Variants in ZNF687 observed in about 807,000 individuals in gnomAD.
The protein encoded by ZNF687 is zinc finger protein 687.
ZNF687 carries 13 observed loss-of-function variants against 71.8 expected under a neutral mutation model. The observed-to-expected ratio is 0.18, with a 90% confidence interval of 0.12 to 0.29. ZNF687 has a LOEUF of 0.29. Among genes scored for constraint, ZNF687 ranks in the 10% least tolerant of loss-of-function variants. The pLI, the probability that ZNF687 is intolerant of heterozygous loss-of-function variation, is 1.00. For synonymous variants in ZNF687, 673 were observed against 641.6 expected (o/e 1.05, Z -0.74); for missense variants, 1,412 against 1,625.6 (o/e 0.87, Z 2.26).
Position 151,290,717 on chromosome 1 carries a change from G to A in ZNF687, c.3222G>A (p.Gly1074=), listed in dbSNP as rs759863619. ...CAGTTTCTTCCACTTTTCTTCAGGG[G>A]CCAGGTCGGAAACGCCGCCAGTCTT... ...LARGSSARAQ[G]PGRKRRQSSD... Residue 1074 remains glycine (G), a splice_region_variant and synonymous_variant, in exon 9 of 9, where the codon GGG becomes GGA. Transcript: ENST00000336715. 6.3e-7 allele frequency: 1 copy of A among 1,598,554 alleles called. No homozygotes were observed. Among genetic ancestry groups the A allele is most frequent in the South Asian group, 1.1e-5 (1 of 89,604 alleles).
chr1:151,282,789 C>T (rs1340217481), intron 1 of ZNF687, among the ~76,000 whole-genome samples: 1 of 152,174 alleles, frequency 6.6e-6, no homozygotes, highest in Non-Finnish European at 1.5e-5. Flanking sequence ...GGGTGCGGGT[C>T]AGCGTCCGGG....
In ZNF687 at chr1:151,288,782, TC is replaced by T. The variant is rs1255454630; in HGVS notation, c.2294+80del. The T allele has an allele frequency of 6.4e-5, 92 of 1,447,710 alleles. No individual in the cohort carries two copies. The East Asian group carries it at 2.1e-3, about 33-fold the overall frequency. 89.7% of individuals were successfully genotyped at this position (1,447,710 alleles called of 1,614,324 possible). ...CTCAGCCTCAGATGGCCTTTCAAGA[TC>T]CCCTATCTTCCCTGCTATATCCCTC... On this transcript the variant is annotated intron_variant, in intron 3 of 8. Coordinates refer to ENST00000336715, the MANE Select transcript of ZNF687 (RefSeq NM_020832.3).
chr1:151,282,189 A>C (rs587754692), upstream of ZNF687: 226 of 1,096,306 alleles, frequency 2.1e-4, no homozygotes, highest in African/African-American at 2.8e-3. Flanking sequence ...TGGAAGGGGC[A>C]CAGGGCTGAG....
Position 151,288,629 on chromosome 1 carries a change from G to A in ZNF687, c.2217G>A (p.Gly739=), listed in dbSNP as rs1237986817. The change falls in exon 3 of 9, where the codon GGG becomes GGA. Residue 739 remains glycine, a synonymous_variant. Transcript: ENST00000336715. ...CCCCCCATGTCTGTCCTGAGTGTGG[G>A]GGCAACTTCCTGCAAGCCAATTTTC... ...NRPPHVCPEC[G]GNFLQANFQT... 1 of 1,614,068 alleles carries A rather than the reference G, an allele frequency of 6.2e-7. No homozygotes were observed. Among genetic ancestry groups the A allele is most frequent in the Non-Finnish European group, 8.5e-7 (1 of 1,179,986 alleles).
At position 151,289,075 on chromosome 1, in the gene ZNF687, G is replaced by A; in HGVS notation, c.2295-20G>A. ...GAGATGCCTCCCACCTCACCACAGG[G>A]CCTCCTGCTTCCTCCCTAGGTGCCC... On this transcript the variant is annotated intron_variant, in intron 3 of 8. Transcript: ENST00000336715. 1 of 1,611,636 alleles carries A rather than the reference G, an allele frequency of 6.2e-7. No individual in the cohort carries two copies. The highest frequency in any genetic ancestry group is 8.5e-7 in the Non-Finnish European group (1 of 1,178,496).
At chr1:151,281,753 C>A (rs1178797105), upstream of ZNF687, 2 of 389,070 alleles carry the variant, frequency 5.1e-6, no homozygotes, top group Non-Finnish European at 1.1e-5. Context: ...CATTCTGTAA[C>A]TTCTGTACGG....
At chr1:151,282,099 G>A, upstream of ZNF687, 1 of 1,277,476 alleles carries the variant, frequency 7.8e-7, no homozygotes, top group Non-Finnish European at 1.0e-6. Context: ...GAGGGCCTCG[G>A]CCCCTTGCCC....
upstream of ZNF687, chr1:151,282,000 T>C: frequency 8.1e-7 from 1 of 1,236,176 alleles, no homozygotes; most frequent in Non-Finnish European, 1.1e-6. Context: ...GGCTTCTTTC[T>C]AAGCGACAGT....
At chr1:151,283,225 G>T (rs1406698556) in intron 1 of ZNF687, 1 of 985,316 alleles carries the variant, frequency 1.0e-6, no homozygotes, top group Admixed American at 6.1e-5. Flanking sequence ...AGATGGCAGG[G>T]ACTTAATTCC....
Position 151,287,086 on chromosome 1 carries a change from G to C in ZNF687, c.795G>C (p.Gln265His), listed in dbSNP as rs769420834. ...PPVAGVPFFK[Q>H]SPGHQSPLAS... ...TTGCTGGGGTGCCCTTCTTCAAGCAGTCTCCAGGGCACCAGAGCCCTCTTG... is the reference window on the plus strand; with the variant it reads ...TTGCTGGGGTGCCCTTCTTCAAGCACTCTCCAGGGCACCAGAGCCCTCTTG... The change falls in exon 2 of 9, where the codon CAG becomes CAC. Residue 265 changes from glutamine (Q) to histidine (H), a missense_variant. This residue lies in a region of ZNF687 where 490 missense variants were observed against 489.9 expected (regional missense o/e 1.00). Transcript: ENST00000336715. The surrounding 1 kb of genome is among the most constrained non-coding windows in gnomAD (Gnocchi z 5.0). 2 of 1,613,930 alleles carry C rather than the reference G, an allele frequency of 1.2e-6. No individual in the cohort carries two copies. Among genetic ancestry groups the C allele is most frequent in the South Asian group, 2.2e-5 (2 of 91,072 alleles).
chr1:151,283,078 T>TTC (rs1314379979), intron 1 of ZNF687: 10,499 of 983,880 alleles, frequency 0.011, 80 homozygotes, highest in Non-Finnish European at 0.012. Context: ...CTGGCCTGGC[T>TTC]GAGGCCCGGC....
upstream of ZNF687, chr1:151,281,733 G>C: frequency 2.5e-6 from 1 of 403,356 alleles, no homozygotes. Context: ...TAATGTTTGG[G>C]GTGGCGTCCC....
chr1:151,286,610 G>C lies in ZNF687; in HGVS notation c.319G>C (p.Ala107Pro), dbSNP rs1182143218. The change falls in exon 2 of 9, where the codon GCC (alanine) becomes CCC (proline). Residue 107 changes from alanine to proline, a missense_variant. By Grantham distance (27) the Ala-to-Pro change is conservative. Around this residue, in one of 8 missense-constraint regions of ZNF687, gnomAD observed 490 missense variants for 489.9 expected, o/e 1.00. Coordinates refer to ENST00000336715, the MANE Select transcript of ZNF687 (RefSeq NM_020832.3). ...ALAGGSAGDG[A>P]QAAGVTKEGP... is the part of the protein sequence containing the mutation. ...GGCTGGAGGCTCAGCAGGAGACGGG[G>C]CCCAGGCTGCTGGGGTAACTAAAGA... is the stretch of plus-strand genomic sequence containing the variant. 5 of 1,614,102 alleles carry C rather than the reference G, an allele frequency of 3.1e-6. No individual in the cohort carries two copies. The Admixed American group carries it at 5.0e-5, about 16-fold the overall frequency.
intron 4 of ZNF687, 42 bp downstream of exon 4, chr1:151,289,313 G>T: frequency 6.2e-7 from 1 of 1,612,798 alleles, no homozygotes; most frequent in Non-Finnish European, 8.5e-7. Context: ...GGGAGGGCTG[G>T]TGGGGCGCAG....
Position 151,287,972 on chromosome 1 carries a change from G to A in ZNF687, c.1681G>A (p.Val561Ile), listed in dbSNP as rs928478128. Residue 561 changes from valine (V) to isoleucine (I), a missense_variant, in exon 2 of 9, where the codon GTC becomes ATC. Val to Ile is a conservative substitution (Grantham distance 29, BLOSUM62 3). This residue lies in a region of ZNF687 where 50 missense variants were observed against 106.6 expected (regional missense o/e 0.47). Coordinates refer to ENST00000336715, the MANE Select transcript of ZNF687 (RefSeq NM_020832.3). The surrounding 1 kb of genome is among the most constrained non-coding windows in gnomAD (Gnocchi z 5.0). ...TGACCGTCGGAGCATGCGCATCGAG[G>A]TCACCTGCAACCACTGCGCCCGCCG... Reference protein sequence around the residue: ...HYDRRSMRIEVTCNHCARRLV... With the variant: ...HYDRRSMRIEITCNHCARRLV... 1.2e-6 allele frequency: 2 copies of A among 1,613,934 alleles called. No homozygotes were observed. Among genetic ancestry groups the A allele is most frequent in the African/African-American group, 1.3e-5 (1 of 75,038 alleles).
At position 151,289,365 on chromosome 1, in the gene ZNF687, G is replaced by A. The variant is rs764451837; in HGVS notation, c.2472-13G>A. The stretch of plus-strand genomic sequence containing the variant: ...CCCAACCCTGCCTGATGTCTGCACT[G>A]TCCTCACTTCAGGCTGATCTACAAG... On this transcript the variant is annotated splice_polypyrimidine_tract_variant and intron_variant, in intron 4 of 8. Coordinates refer to ENST00000336715, the MANE Select transcript of ZNF687 (RefSeq NM_020832.3). The A allele has an allele frequency of 6.2e-7, 1 of 1,614,126 alleles. No homozygotes were observed. Among genetic ancestry groups the A allele is most frequent in the Non-Finnish European group, 8.5e-7 (1 of 1,180,034 alleles).
rs1338264957 is a variant in ZNF687, at chr1:151,289,823, A to G, written c.2780A>G (p.Glu927Gly). 5.1e-6 allele frequency: 8 copies of G among 1,568,888 alleles called. No individual in the cohort carries two copies. Among genetic ancestry groups the G allele is most frequent in the African/African-American group, 1.4e-5 (1 of 73,770 alleles). The change falls in exon 6 of 9, where the codon GAA becomes GGA. Residue 927 changes from glutamate (E) to glycine (G), a missense_variant. Transcript: ENST00000336715. ...PATEESSSSS[E>G]EEEVPSSPEP... ...ACTGAGGAGTCGTCTTCATCTTCAG[A>G]AGAGGAGGAAGTACCCAGCTCCCCT...
Position 151,282,410 on chromosome 1 carries a change from G to T in ZNF687, c.-18+15G>T. 1.0e-6 allele frequency: 1 copy of T among 986,798 alleles called. No homozygotes were observed. The highest frequency in any genetic ancestry group is 1.2e-6 in the Non-Finnish European group (1 of 830,252). 61.1% of individuals were successfully genotyped at this position (986,798 alleles called of 1,614,324 possible). A position where few individuals can be genotyped will look rare whatever the true frequency, so the allele number is the denominator to read the frequency against. On this transcript the variant is annotated intron_variant, in intron 1 of 8. Transcript: ENST00000336715. The stretch of plus-strand genomic sequence containing the variant: ...GAGCGGAACAAGTAAGCGTGCCTGG[G>T]GTAAATACCCGCCCTTGGCTCCGCC...
intron 1 of ZNF687, among the ~76,000 whole-genome samples, chr1:151,284,664 T>C (rs1160175473): frequency 1.3e-5 from 2 of 152,048 alleles, no homozygotes; most frequent in East Asian, 3.9e-4. Flanking sequence ...AGTTCCTCCT[T>C]GACCTGACAT....
Sources: allele counts gnomAD v4.1 joint callset (sites outside exome capture counted in the v4.1 genomes callset), GRCh38; gene constraint gnomAD v4.1.1; regional missense constraint gnomAD v4.1.1; non-coding constraint Gnocchi (gnomAD v3.1); transcripts MANE v1.5; gene names NCBI Gene and HGNC (gene_info 2026-07-23, HGNC 2026-07-21).